Variants in IDO2 observed in about 807,000 individuals in gnomAD.
The protein encoded by IDO2 is indoleamine 2,3-dioxygenase-like 1 protein.
A neutral mutation model predicts 45.1 loss-of-function variants in IDO2; 46 were observed. The observed-to-expected ratio is 1.02, with a 90% CI of 0.80 to 1.30. The LOEUF is 1.30. Among genes scored for constraint, IDO2 ranks in the 50% most tolerant of loss-of-function variants. The pLI is 0.00. For synonymous variants in IDO2, 218 were observed against 184.9 expected, an observed-to-expected ratio of 1.18 and a Z score of -1.45; for missense variants, 544 against 491.8, an observed-to-expected ratio of 1.11 and a Z score of -1.00.
intron 4 of IDO2, among the ~76,000 whole-genome samples, chr8:39,982,006 C>T (rs541972797): frequency 6.6e-6 from 1 of 152,106 alleles, no homozygotes; most frequent in Non-Finnish European, 1.5e-5. Flanking sequence ...GAGTCAGTTT[C>T]CCCACAGGCT....
intron 3 of IDO2, among the ~76,000 whole-genome samples, chr8:39,968,473 G>A (rs916012100): frequency 1.3e-5 from 2 of 152,106 alleles, no homozygotes; most frequent in African/African-American, 4.8e-5. Context: ...AAAAACCCAT[G>A]GAATTGTATG....
rs118115326 is a variant in IDO2 at position 39,952,065 on chromosome 8, T to C, written c.99+2801T>C. Reference sequence around the variant, plus strand: ...AGTTCTCAAAATGTACTTCCTTGTTTCAGTTTTAATTTTCTTTCATTGGTG... The same window carrying C: ...AGTTCTCAAAATGTACTTCCTTGTTCCAGTTTTAATTTTCTTTCATTGGTG... On this transcript the variant is annotated intron_variant, in intron 2 of 10. Coordinates refer to ENST00000502986, the Ensembl canonical transcript of IDO2. Among the ~76,000 whole-genome samples, 697 of 152,334 alleles carry C rather than the reference T, an allele frequency of 4.6e-3. 2 individuals carry two copies. Among genetic ancestry groups the C allele is most frequent in the Non-Finnish European group, 7.0e-3 (477 of 68,026 alleles).
chr8:40,007,494 G>A (rs147642209), intron 9 of IDO2, among the ~76,000 whole-genome samples: 8 of 151,586 alleles, frequency 5.3e-5, no homozygotes, highest in Admixed American at 3.3e-4. Context: ...TGCAGAAATG[G>A]AGCTGGGAGT....
chr8:39,944,037 A>C (rs1038774770), intron 1 of IDO2, among the ~76,000 whole-genome samples: 1 of 152,156 alleles, frequency 6.6e-6, no homozygotes, highest in Non-Finnish European at 1.5e-5. Context: ...AACTTTCAAA[A>C]CTGAAACCTG....
chr8:39,995,245 C>CTTCTTCTTCTTCTTCTTCTTCTT (rs1563438285), intron 8 of IDO2: 4 of 68,750 alleles, frequency 5.8e-5, no homozygotes, highest in African/African-American at 1.5e-4. Context: ...TTCTCCTTCT[C>CTTCTTCTTCTTCTTCTTCTTCTT]CTTCTCCTTC....
rs772788813 is a variant in IDO2, at chr8:39,987,988, A to G, written c.549+18A>G. 2 of 1,452,460 alleles carry G rather than the reference A, an allele frequency of 1.4e-6. No homozygotes were observed. The highest frequency in any genetic ancestry group is 4.6e-5 in the East Asian group (2 of 43,714). The allele number at this position is 1,452,460 out of a possible 1,614,324, so 90.0% of individuals were successfully genotyped here. A position where few individuals can be genotyped will look rare whatever the true frequency, so the allele number is the denominator to read the frequency against. On this transcript the variant is annotated intron_variant, in intron 7 of 10. Coordinates refer to ENST00000502986, the Ensembl canonical transcript of IDO2. ...GGATAAAGGTATCTTCTCACTTGAT[A>G]GCACCTTTTCTTTTTAAATGAGCTT...
rs11440885 is a variant in IDO2, at chr8:39,973,745, C to CTTT, written c.196-5312_196-5310dup. On this transcript the variant is annotated intron_variant, in intron 3 of 10. Coordinates refer to ENST00000502986, the Ensembl canonical transcript of IDO2. ...GGGTTTTCTTGTGTTTCGTTTTCTTCTTTTTTTTTTTTCTGAGATGGAGTC... is the reference window on the plus strand; with the variant it reads ...GGGTTTTCTTGTGTTTCGTTTTCTTCTTTTTTTTTTTTTTTCTGAGATGGAGTC... 4.1e-5 allele frequency among the ~76,000 whole-genome samples: 6 copies of CTTT among 146,056 alleles called. No homozygotes were observed. In the East Asian group the frequency reaches 6.0e-4, roughly 15 times the overall value.
rs111983380 is a variant in IDO2 at position 40,000,409 on chromosome 8, C to CA, written c.668-4904dup. Among the ~76,000 whole-genome samples, 692 of 132,870 alleles carry CA rather than the reference C, an allele frequency of 5.2e-3. 3 individuals carry two copies. The highest frequency in any genetic ancestry group is 0.02 in the East Asian group (90 of 4,532). 87.2% of individuals were successfully genotyped at this position (132,870 alleles called of 152,430 possible). A position where few individuals can be genotyped will look rare whatever the true frequency, so the allele number is the denominator to read the frequency against. Reference sequence around the variant, plus strand: ...TGGCAACAGAGTGAGACTCCATCTTCAAAAAAAAAAAAAAGTATTCCTAAA... The same window carrying CA: ...TGGCAACAGAGTGAGACTCCATCTTCAAAAAAAAAAAAAAAGTATTCCTAAA... On this transcript the variant is annotated intron_variant, in intron 8 of 10. Transcript: ENST00000502986.
chr8:39,972,609 CAAAAAAAAA>C lies in IDO2; in HGVS notation c.196-6440_196-6432del, dbSNP rs35394460. ...CGGGTAACAGAGCAAGACTCCATCT[CAAAAAAAAA>C]AAAAAAAAAAAAAAAAAGTTCTACT... On this transcript the variant is annotated intron_variant, in intron 3 of 10. Transcript: ENST00000502986. 3.2e-4 allele frequency among the ~76,000 whole-genome samples: 11 copies of C among 34,550 alleles called. No individual in the cohort carries two copies. The Admixed American group carries it at 4.9e-3, about 15-fold the overall frequency. 22.7% of individuals were successfully genotyped at this position (34,550 alleles called of 152,430 possible).
At chr8:39,968,872 C>A (rs903802220) in intron 3 of IDO2, among the ~76,000 whole-genome samples, 2 of 145,728 alleles carry the variant, frequency 1.4e-5, no homozygotes, top group African/African-American at 2.6e-5. Flanking sequence ...GAACTTAAAG[C>A]AAATTTTTAA....
rs1802374045 is a variant in IDO2 at position 40,015,496 on chromosome 8, C to T, written c.1118C>T (p.Pro373Leu). 6.2e-7 allele frequency: 1 copy of T among 1,613,938 alleles called. No individual in the cohort carries two copies. Among genetic ancestry groups the T allele is most frequent in the East Asian group, 2.2e-5 (1 of 44,852 alleles). ...GGGAAGCCAAACCATCTCCCAGGGC[C>T]TCCTCAGGCTTTAAAAGACAGGGGC... The change falls in exon 11 of 11, where the codon CCT (proline) becomes CTT (leucine). Residue 373 changes from proline (P) to leucine (L), a missense_variant. Coordinates refer to ENST00000502986, the Ensembl canonical transcript of IDO2.
Position 39,999,285 on chromosome 8 carries a change from T to A in IDO2, c.668-6042T>A, listed in dbSNP as rs867712306. 4.8e-3 allele frequency among the ~76,000 whole-genome samples: 690 copies of A among 145,116 alleles called. 7 individuals are homozygous for A. Among genetic ancestry groups the A allele is most frequent in the African/African-American group, 0.016 (619 of 39,104 alleles). On this transcript the variant is annotated intron_variant, in intron 8 of 10. Transcript: ENST00000502986. ...CTTCATTCTGCTGCTGCTTTTTTTT[T>A]TTTTTTTTTTTTGAGATGGAGTCTT...
At chr8:39,993,796 G>T (rs1801985562) in intron 8 of IDO2, among the ~76,000 whole-genome samples, 1 of 152,062 alleles carries the variant, frequency 6.6e-6, no homozygotes, top group Non-Finnish European at 1.5e-5. Flanking sequence ...GATCACATGA[G>T]GTCAGTCCGA....
intron 3 of IDO2, among the ~76,000 whole-genome samples, chr8:39,968,077 C>CAAAAA (rs1585404268): frequency 1.1e-5 from 1 of 91,868 alleles, no homozygotes. Context: ...TTCATAATCA[C>CAAAAA]CAAAAAAAAA....
At chr8:40,007,198 A>G (rs1462054522) in intron 9 of IDO2, among the ~76,000 whole-genome samples, 1 of 151,850 alleles carries the variant, frequency 6.6e-6, no homozygotes, top group Non-Finnish European at 1.5e-5. Flanking sequence ...CTGAAGTGCT[A>G]TCAATAGAAA....
chr8:39,943,453 G>T (rs1432683220), intron 1 of IDO2, among the ~76,000 whole-genome samples: 1 of 150,740 alleles, frequency 6.6e-6, no homozygotes, highest in African/African-American at 2.4e-5. Context: ...GAAACCTATA[G>T]CTGGCCGGGC....
chr8:39,967,572 T>C (rs1195260334), intron 3 of IDO2, among the ~76,000 whole-genome samples: 1 of 152,164 alleles, frequency 6.6e-6, no homozygotes, highest in African/African-American at 2.4e-5. Flanking sequence ...CACTGCAACC[T>C]CTGCCTCTGG....
intron 2 of IDO2, among the ~76,000 whole-genome samples, chr8:39,955,461 G>A (rs1254222375): frequency 1.3e-5 from 2 of 151,776 alleles, no homozygotes; most frequent in Non-Finnish European, 2.9e-5. Flanking sequence ...TCACTATGTT[G>A]GCCAGGCTGG....
intron 3 of IDO2, among the ~76,000 whole-genome samples, chr8:39,971,869 C>A (rs562317053): frequency 2.0e-5 from 3 of 151,804 alleles, no homozygotes; most frequent in Non-Finnish European, 4.4e-5. Flanking sequence ...AGTGCAGTGG[C>A]GCAATCTTGG....
Sources: allele counts gnomAD v4.1 joint callset (sites outside exome capture counted in the v4.1 genomes callset), GRCh38; gene constraint gnomAD v4.1.1; transcripts MANE v1.5; gene names NCBI Gene and HGNC (gene_info 2026-07-23, HGNC 2026-07-21).